ALDH1L2: variants seen among roughly 807,000 people sequenced by gnomAD.
ALDH1L2 encodes mitochondrial 10-formyltetrahydrofolate dehydrogenase.
ALDH1L2 carries 91 observed loss-of-function variants against 111.0 expected under a neutral mutation model. That is an observed-to-expected ratio of 0.82 (90% CI 0.69 to 0.98). The LOEUF (loss-of-function observed/expected upper bound fraction) is 0.98. Among genes scored for constraint, ALDH1L2 ranks in the 50% least tolerant of loss-of-function variants. The pLI is 0.00. For synonymous variants in ALDH1L2, 374 were observed against 392.6 expected, an observed-to-expected ratio of 0.95 and a Z score of 0.56; for missense variants, 995 against 1,126.8, an observed-to-expected ratio of 0.88 and a Z score of 1.67.
intron 6 of ALDH1L2, 131 bp from the exon 7 acceptor site, chr12:105,063,153 T>A (rs943474530): frequency 9.5e-6 from 10 of 1,052,144 alleles, no homozygotes; most frequent in Non-Finnish European, 1.3e-5. Context: ...GACACCACAA[T>A]GGGAGAAACT....
chr12:105,051,995 G>A, intron 12 of ALDH1L2, 95 bp downstream of exon 12: 2 of 1,180,386 alleles, frequency 1.7e-6, no homozygotes, highest in Non-Finnish European at 2.2e-6. Flanking sequence ...ATCACCTGAG[G>A]TCAGGAATTT....
chr12:105,068,636 A>G (rs1877509830), intron 4 of ALDH1L2, 83 bp downstream of exon 4: 1 of 1,242,272 alleles, frequency 8.0e-7, no homozygotes, highest in East Asian at 3.0e-5. Flanking sequence ...GTGAAAATTC[A>G]TATGGATAAT....
intron 7 of ALDH1L2, 95 bp downstream of exon 7, chr12:105,062,793 C>T: frequency 6.8e-7 from 1 of 1,469,970 alleles, no homozygotes; most frequent in East Asian, 2.4e-5. Context: ...AGCTCCTCCC[C>T]AGCCAGCAAT....
At chr12:105,032,056 A>C in intron 19 of ALDH1L2, 122 bp from the exon 20 acceptor site, 1 of 972,972 alleles carries the variant, frequency 1.0e-6, no homozygotes. Context: ...TTACAATAGC[A>C]CCGGAGGTAG....
At chr12:105,057,766 A>AT (rs1298421959) in intron 10 of ALDH1L2, among the ~76,000 whole-genome samples, 1 of 152,208 alleles carries the variant, frequency 6.6e-6, no homozygotes, top group Non-Finnish European at 1.5e-5. Flanking sequence ...ATTTTGGAAC[A>AT]TTTTTTGTAT....
At position 105,061,630 on chromosome 12, in the gene ALDH1L2, G is replaced by C. The variant is rs772155973; in HGVS notation, c.1044C>G (p.Ile348Met). The change falls in exon 8 of 23, where the codon ATC becomes ATG. Residue 348 changes from isoleucine to methionine, a missense_variant. Transcript: ENST00000258494. ...ATTTAAGTCATCATGTGTTCACCTT[G>C]ATGGTCTCTGCCACTTTCACCTCTT... Reference protein sequence around the residue: ...TAEEVKVAETIKVIWAGILSN... With the variant: ...TAEEVKVAETMKVIWAGILSN... 1 of 1,614,100 alleles carries C rather than the reference G, an allele frequency of 6.2e-7. No homozygotes were observed. Among genetic ancestry groups the C allele is most frequent in the South Asian group, 1.1e-5 (1 of 91,068 alleles).
chr12:105,053,082 G>A, intron 10 of ALDH1L2, 151 bp from the exon 11 acceptor site: 1 of 1,002,790 alleles, frequency 1.0e-6, no homozygotes, highest in South Asian at 1.7e-5. Flanking sequence ...TGTGAGATTT[G>A]GGCCTCAAGA....
chr12:105,063,273 G>A (rs1009759009), intron 6 of ALDH1L2, among the ~76,000 whole-genome samples: 10 of 152,106 alleles, frequency 6.6e-5, no homozygotes, highest in Non-Finnish European at 1.5e-4. Context: ...TCAGGAGATC[G>A]AGACCATCTT....
chr12:105,064,531 T>C (rs1379479125), intron 6 of ALDH1L2, among the ~76,000 whole-genome samples: 2 of 152,196 alleles, frequency 1.3e-5, no homozygotes, highest in African/African-American at 4.8e-5. Context: ...CCTGCTTAAC[T>C]GCTGAGATTA....
At chr12:105,032,544 C>G (rs1263137839) in intron 19 of ALDH1L2, among the ~76,000 whole-genome samples, 1 of 152,104 alleles carries the variant, frequency 6.6e-6, no homozygotes, top group African/African-American at 2.4e-5. Context: ...CAGCTGCAAC[C>G]TCGAACTTCT....
chr12:105,054,403 A>G (rs1452208123), intron 10 of ALDH1L2, among the ~76,000 whole-genome samples: 1 of 152,226 alleles, frequency 6.6e-6, no homozygotes, highest in Non-Finnish European at 1.5e-5. Context: ...AAATTAGCCA[A>G]AGGCTTGCAA....
chr12:105,035,708 G>C (rs919549365), intron 18 of ALDH1L2, among the ~76,000 whole-genome samples: 7 of 151,688 alleles, frequency 4.6e-5, no homozygotes, highest in Admixed American at 1.3e-4. Flanking sequence ...TCTTTGAAAT[G>C]AAGGCACTCA....
rs535287864 is a variant in ALDH1L2 at position 105,066,624 on chromosome 12, G to T, written c.640C>A (p.Pro214Thr). 7 of 1,613,982 alleles carry T rather than the reference G, an allele frequency of 4.3e-6. No individual in the cohort carries two copies. The highest frequency in any genetic ancestry group is 3.3e-5 in the Admixed American group (2 of 60,004). Reference sequence around the variant, plus strand: ...TATGTTGCCCCTTCTTCTGGCTGGGGTATACGAGGAGCTTTTCCATCAGCT... The same window carrying T: ...TATGTTGCCCCTTCTTCTGGCTGGGTTATACGAGGAGCTTTTCCATCAGCT... The part of the protein sequence containing the change: ...LIADGKAPRI[P>T]QPEEGATYEG... The change falls in exon 5 of 23, where the codon CCC becomes ACC. Residue 214 changes from proline to threonine, a missense_variant. Pro to Thr is a conservative substitution (Grantham distance 38, BLOSUM62 -1). Transcript: ENST00000258494.
chr12:105,061,656 CA>C lies in ALDH1L2; in HGVS notation c.1017del (p.Glu340LysfsTer3). 5 of 1,614,180 alleles carry C rather than the reference CA, an allele frequency of 3.1e-6. No individual in the cohort carries two copies. Among genetic ancestry groups the C allele is most frequent in the Non-Finnish European group, 4.2e-6 (5 of 1,180,036 alleles). On this transcript the variant is annotated frameshift_variant, in exon 8 of 23. Transcript: ENST00000258494. LOFTEE classifies it high-confidence loss of function. Reference protein sequence around the residue: ...TGETSVVELTAEEVKVAETIK... With the variant: ...TGETSVVELTXEEVKVAETIK... ...ATGGTCTCTGCCACTTTCACCTCTT[CA>C]GCTGTCAGTTCTACCACTGACGTCT...
At chr12:105,060,765 G>A (rs939416994) in intron 9 of ALDH1L2, 39 of 268,482 alleles carry the variant, frequency 1.5e-4, no homozygotes, top group African/African-American at 6.3e-4. Context: ...CGGAGGTTGC[G>A]GTGAGCCGAG....
At chr12:105,068,687 T>C in intron 4 of ALDH1L2, 32 bp downstream of exon 4, 1 of 1,407,146 alleles carries the variant, frequency 7.1e-7, no homozygotes, top group South Asian at 1.8e-5. Flanking sequence ...CTTTAAAGGT[T>C]TACTAAATTC....
At chr12:105,025,556 G>C (rs183990158) in intron 22 of ALDH1L2, among the ~76,000 whole-genome samples, 1 of 152,044 alleles carries the variant, frequency 6.6e-6, no homozygotes, top group Non-Finnish European at 1.5e-5. Flanking sequence ...AAGTTGGGGG[G>C]GAAGCCCTTA....
At chr12:105,036,338 ACG>A (rs1875075116) in intron 18 of ALDH1L2, among the ~76,000 whole-genome samples, 1 of 90,446 alleles carries the variant, frequency 1.1e-5, no homozygotes, top group Non-Finnish European at 2.0e-5. Flanking sequence ...TATTATATAT[ACG>A]TATATTTATA....
In ALDH1L2 at chr12:105,023,741, A is replaced by G. The variant is rs139847269; in HGVS notation, c.*683T>C. The G allele has an allele frequency of 1.9e-4, 29 of 152,346 alleles. No individual in the cohort carries two copies. The highest frequency in any genetic ancestry group is 6.0e-4 in the African/African-American group (25 of 41,580). 9.4% of individuals were successfully genotyped at this position (152,346 alleles called of 1,614,324 possible). On this transcript the variant is annotated 3_prime_UTR_variant, in exon 23 of 23. Transcript: ENST00000258494. ...CAGGATCAGCCTTCTACTATATCATATGTAAAATTTGCTTCAAAAGCTATT... is the reference window on the plus strand; with the variant it reads ...CAGGATCAGCCTTCTACTATATCATGTGTAAAATTTGCTTCAAAAGCTATT...
Sources: allele counts gnomAD v4.1 joint callset (sites outside exome capture counted in the v4.1 genomes callset), GRCh38; gene constraint gnomAD v4.1.1; transcripts MANE v1.5; gene names NCBI Gene and HGNC (gene_info 2026-07-23, HGNC 2026-07-21).